Variants in NELFA observed in about 807,000 individuals in gnomAD.
The protein encoded by NELFA is negative elongation factor A.
NELFA carries 35 observed loss-of-function variants against 51.8 expected under a neutral mutation model. That is an observed-to-expected ratio of 0.68 (90% CI 0.52 to 0.90). The LOEUF (loss-of-function observed/expected upper bound fraction) is 0.90. Ranked by LOEUF, NELFA falls within the 40% of genes least tolerant of loss-of-function variation. NELFA has a pLI of 0.00. For missense variants in NELFA, 658 were observed against 746.4 expected (o/e 0.88, Z 1.38); for synonymous variants, 417 against 338.4 (o/e 1.23, Z -2.55).
At chr4:2,008,401 T>G (rs1162301124) in intron 1 of NELFA, among the ~76,000 whole-genome samples, 4 of 124,514 alleles carry the variant, frequency 3.2e-5, no homozygotes, top group Non-Finnish European at 5.1e-5. Context: ...CCAGGGGAGG[T>G]GAAAACTTGG....
chr4:1,983,587 T>A lies in NELFA; in HGVS notation c.1402+9A>T, dbSNP rs768681851. 6.2e-7 allele frequency: 1 copy of A among 1,613,880 alleles called. No individual in the cohort carries two copies. Among genetic ancestry groups the A allele is most frequent in the Admixed American group, 1.7e-5 (1 of 60,018 alleles). On this transcript the variant is annotated intron_variant, in intron 10 of 10. Coordinates refer to ENST00000382882, the MANE Select transcript of NELFA (RefSeq NM_005663.5). ...CGGTGCACCCCCAGGCCCTGCCTTA[T>A]GAACATACCTCGGGAGCCGGCCATG...
chr4:1,996,371 C>G (rs74785684), intron 1 of NELFA, among the ~76,000 whole-genome samples: 3,324 of 152,242 alleles, frequency 0.022, 95 homozygotes, highest in African/African-American at 0.07. Flanking sequence ...GCGGCTTACA[C>G]TGTAATTAGA....
intron 1 of NELFA, chr4:2,003,956 T>C (rs1023919607): frequency 6.6e-6 from 1 of 150,552 alleles, no homozygotes; most frequent in Non-Finnish European, 1.5e-5. Context: ...ATGGAGACCA[T>C]CCTGGCCAAC....
intron 1 of NELFA, among the ~76,000 whole-genome samples, chr4:1,994,915 T>G (rs1263872701): frequency 6.6e-6 from 1 of 152,190 alleles, no homozygotes; most frequent in Non-Finnish European, 1.5e-5. Flanking sequence ...TTGTAGAATT[T>G]CATTCAGAAA....
intron 1 of NELFA, among the ~76,000 whole-genome samples, chr4:1,999,886 T>C (rs1303158390): frequency 6.6e-6 from 1 of 151,828 alleles, no homozygotes; most frequent in Non-Finnish European, 1.5e-5. Context: ...TGTAATTAAC[T>C]GGAAGTCAGC....
chr4:2,005,518 C>A (rs545569136), intron 1 of NELFA, among the ~76,000 whole-genome samples: 54 of 152,122 alleles, frequency 3.5e-4, no homozygotes, highest in African/African-American at 1.3e-3. Context: ...ATGGTGAAAC[C>A]CCATCTCTAC....
intron 1 of NELFA, chr4:1,991,940 C>T (rs1179184132): frequency 2.1e-6 from 1 of 481,150 alleles, no homozygotes; most frequent in Non-Finnish European, 3.6e-6. Context: ...CCCCGGCATC[C>T]GGTGCCCTCC....
chr4:1,986,084 TGCC>T (rs1728083957), intron 6 of NELFA, 27 bp downstream of exon 6: 1 of 1,547,876 alleles, frequency 6.5e-7, no homozygotes. Flanking sequence ...GGACCCCCAT[TGCC>T]GCCGACACGC....
At chr4:1,993,263 G>C (rs1233280629) in intron 1 of NELFA, among the ~76,000 whole-genome samples, 1 of 152,064 alleles carries the variant, frequency 6.6e-6, no homozygotes, top group African/African-American at 2.4e-5. Context: ...AGCCTGGCTC[G>C]CTCTACTGGG....
intron 1 of NELFA, 93 bp from the exon 2 acceptor site, chr4:1,991,808 CGGG>C: frequency 1.5e-6 from 2 of 1,367,042 alleles, no homozygotes; most frequent in Non-Finnish European, 2.0e-6. Flanking sequence ...GGGCAGTGGC[CGGG>C]CTCTCTGGCA....
At chr4:1,985,363 C>T (rs916079031) in intron 7 of NELFA, among the ~76,000 whole-genome samples, 9 of 152,222 alleles carry the variant, frequency 5.9e-5, no homozygotes, top group African/African-American at 2.2e-4. Flanking sequence ...CCTGCCGCGC[C>T]CCGTGGCTGC....
chr4:1,985,635 A>G (rs1215638852), intron 7 of NELFA, 141 bp downstream of exon 7: 2 of 650,636 alleles, frequency 3.1e-6, no homozygotes, highest in Non-Finnish European at 2.6e-6. Flanking sequence ...ATGTACATAT[A>G]CGTATATATA....
chr4:2,006,379 C>T (rs1728710251), intron 1 of NELFA, among the ~76,000 whole-genome samples: 2 of 152,126 alleles, frequency 1.3e-5, no homozygotes, highest in South Asian at 2.1e-4. Flanking sequence ...GGGAGTGTTC[C>T]GGGCATGTCC....
rs1309193207 is a variant in NELFA at position 1,984,191 on chromosome 4, G to C, written c.1037-78C>G. 4.3e-6 allele frequency: 6 copies of C among 1,403,400 alleles called. No individual in the cohort carries two copies. The Admixed American group carries it at 1.4e-4, about 34-fold the overall frequency. 86.9% of individuals were successfully genotyped at this position (1,403,400 alleles called of 1,614,324 possible). ...AACCCTAGTGCTCCTGGAGGTGACA[G>C]GCTCAGCTCCCCTTCTCTGTCCTGC... On this transcript the variant is annotated intron_variant, in intron 8 of 10. Coordinates refer to ENST00000382882, the MANE Select transcript of NELFA (RefSeq NM_005663.5).
intron 2 of NELFA, chr4:1,990,193 A>C: frequency 4.8e-6 from 2 of 420,388 alleles, no homozygotes; most frequent in Non-Finnish European, 9.0e-6. Context: ...TAGAACATGA[A>C]ATGTTAACAG....
intron 8 of NELFA, among the ~76,000 whole-genome samples, chr4:1,984,581 C>T (rs554484460): frequency 5.3e-5 from 8 of 152,356 alleles, no homozygotes; most frequent in South Asian, 2.1e-4. Flanking sequence ...CCCCTGGGGC[C>T]GCTGCCTGTC....
chr4:1,992,563 T>G (rs1163252960), intron 1 of NELFA: 1 of 333,398 alleles, frequency 3.0e-6, no homozygotes, highest in South Asian at 2.1e-5. Flanking sequence ...GCGCTGGGGG[T>G]GAACAACAGC....
At chr4:2,004,830 C>T (rs1728667263) in intron 1 of NELFA, among the ~76,000 whole-genome samples, 2 of 123,008 alleles carry the variant, frequency 1.6e-5, no homozygotes, top group Admixed American at 9.1e-5. Context: ...TTTTTGGAGA[C>T]AGAGTCTTGC....
chr4:1,996,528 C>G (rs1306007850), intron 1 of NELFA, among the ~76,000 whole-genome samples: 1 of 152,170 alleles, frequency 6.6e-6, no homozygotes, highest in Non-Finnish European at 1.5e-5. Flanking sequence ...TTCAACAAAG[C>G]CAGAAGCTGG....
Sources: gnomAD v4.1 joint callset for allele counts (sites outside exome capture counted in the v4.1 genomes callset) on GRCh38, gnomAD v4.1.1 for gene constraint, MANE v1.5 for transcripts, NCBI Gene and HGNC (gene_info 2026-07-23, HGNC 2026-07-21) for gene names.